The following RBFOX1 variants were observed in gnomAD, a reference collection of about 807,000 sequenced individuals.
RBFOX1 encodes RNA binding protein fox-1 homolog 1.
RBFOX1 carries 8 observed loss-of-function variants against 57.7 expected under a neutral mutation model. The ratio of observed to expected loss-of-function variants is 0.14; its 90% CI spans 0.08 to 0.25. The LOEUF (loss-of-function observed/expected upper bound fraction) is 0.25. RBFOX1 is among the 10% of genes least tolerant of loss of function. The pLI, the probability that RBFOX1 is intolerant of heterozygous loss-of-function variation, is 1.00. For missense variants in RBFOX1, 611 were observed against 548.5 expected, an observed-to-expected ratio of 1.11 and a Z score of -1.14; for synonymous variants, 326 against 222.4, an observed-to-expected ratio of 1.47 and a Z score of -4.15.
rs1210149366 is a variant in RBFOX1, at chr16:5,910,284, T to C, written c.351+42949T>C. On this transcript the variant is annotated intron_variant, in intron 4 of 19. Transcript: ENST00000641259. ...GCCAGTCTCAGGGAGAAGTTTCACA[T>C]AGCATCACACAGAGGGGCACGTTCT... is the stretch of plus-strand genomic sequence containing the variant. Among the ~76,000 whole-genome samples the C allele has an allele frequency of 3.3e-5, 5 of 152,190 alleles. No individual in the cohort carries two copies. In the East Asian group the frequency reaches 9.7e-4, roughly 30 times the overall value.
At chr16:5,499,002 A>G (rs902335274) in intron 2 of RBFOX1, among the ~76,000 whole-genome samples, 2 of 152,184 alleles carry the variant, frequency 1.3e-5, no homozygotes, top group Non-Finnish European at 2.9e-5. Flanking sequence ...CCCAGCCTCT[A>G]GGAATTCTGG....
intron 10 of RBFOX1, among the ~76,000 whole-genome samples, chr16:7,628,300 G>A (rs1290456325): frequency 6.6e-6 from 1 of 152,120 alleles, no homozygotes; most frequent in Non-Finnish European, 1.5e-5. Flanking sequence ...TATCGTAGAT[G>A]ATTCCGACCT....
At chr16:6,905,724 T>C (rs1053127852) in intron 3 of RBFOX1, among the ~76,000 whole-genome samples, 2 of 152,168 alleles carry the variant, frequency 1.3e-5, no homozygotes, top group Non-Finnish European at 2.9e-5. Context: ...AGAATTTCTC[T>C]CCAATGCCTG....
At chr16:6,251,127 C>T (rs2097607373) in intron 1 of RBFOX1, among the ~76,000 whole-genome samples, 1 of 152,106 alleles carries the variant, frequency 6.6e-6, no homozygotes, top group Non-Finnish European at 1.5e-5. Flanking sequence ...TCTTAATGAC[C>T]ACATTCACTC....
intron 3 of RBFOX1, among the ~76,000 whole-genome samples, chr16:5,712,470 G>T (rs934410391): frequency 2.0e-5 from 3 of 152,198 alleles, no homozygotes; most frequent in Non-Finnish European, 4.4e-5. Flanking sequence ...TGGCTTTCAC[G>T]CATGCTGATG....
intron 4 of RBFOX1, among the ~76,000 whole-genome samples, chr16:7,397,403 C>T (rs1044768518): frequency 9.9e-5 from 15 of 152,122 alleles, no homozygotes; most frequent in Non-Finnish European, 4.4e-5. Context: ...ATAGGAGCAC[C>T]AGGTCTCCAG....
intron 14 of RBFOX1, among the ~76,000 whole-genome samples, chr16:7,705,408 G>A (rs1402161479): frequency 1.3e-5 from 2 of 152,026 alleles, no homozygotes; most frequent in Non-Finnish European, 2.9e-5. Flanking sequence ...GGGAGGCTGA[G>A]GCAGGAGAAT....
chr16:5,585,601 G>T (rs2046804173), intron 2 of RBFOX1, among the ~76,000 whole-genome samples: 1 of 152,214 alleles, frequency 6.6e-6, no homozygotes, highest in Admixed American at 6.5e-5. Flanking sequence ...TGGTTTGTGA[G>T]ACTATGGGAT....
rs1567313731 is a variant in RBFOX1 at position 6,454,874 on chromosome 16, T to TGTC, written c.-64+137817_-64+137818insGTC. Among the ~76,000 whole-genome samples the TGTC allele has an allele frequency of 4.0e-5, 2 of 50,232 alleles. 1 individual carries two copies. The highest frequency in any genetic ancestry group is 1.5e-4 in the African/African-American group (2 of 13,104). The allele number at this position is 50,232 out of a possible 152,430, so 33.0% of individuals were successfully genotyped here. A position where few individuals can be genotyped will look rare whatever the true frequency, so the allele number is the denominator to read the frequency against. Reference sequence around the variant, plus strand: ...CTCATATACAGGTTTTTTTTTTTTTTTTTTTTTTTTTTTTTTTTTTTTTTT... The same window carrying TGTC: ...CTCATATACAGGTTTTTTTTTTTTTTGTCTTTTTTTTTTTTTTTTTTTTTTTTT... On this transcript the variant is annotated intron_variant, in intron 2 of 15. Transcript: ENST00000550418.
intron 3 of RBFOX1, among the ~76,000 whole-genome samples, chr16:5,681,765 A>AT (rs1237920518): frequency 6.6e-6 from 1 of 152,128 alleles, no homozygotes; most frequent in Non-Finnish European, 1.5e-5. Context: ...TATTTCAGGC[A>AT]TTTTTAACAA....
rs12445578 is a variant in RBFOX1 at position 7,321,593 on chromosome 16, A to C, written c.28-196554A>C. On this transcript the variant is annotated intron_variant, in intron 4 of 15. Transcript: ENST00000550418. ...GACCACTCTGTGTCTTGTTTTCCTC[A>C]CAGTAATATGAAGATAGTCATAGGA... Among the ~76,000 whole-genome samples the C allele has an allele frequency of 2.2e-3, 339 of 152,340 alleles. 5 individuals are homozygous for C. Among genetic ancestry groups the C allele is most frequent in the South Asian group, 0.022 (104 of 4,826 alleles).
chr16:7,290,975 C>A (rs2095758907), intron 4 of RBFOX1, among the ~76,000 whole-genome samples: 1 of 152,204 alleles, frequency 6.6e-6, no homozygotes, highest in African/African-American at 2.4e-5. Flanking sequence ...TACAAGAATG[C>A]ACATTTCATT....
At chr16:5,782,874 C>T (rs2054369711) in intron 3 of RBFOX1, among the ~76,000 whole-genome samples, 1 of 152,146 alleles carries the variant, frequency 6.6e-6, no homozygotes, top group African/African-American at 2.4e-5. Context: ...TCAGCTCAAG[C>T]AGGGATGCAA....
At chr16:6,158,429 GCCT>G (rs1421931498) in intron 1 of RBFOX1, among the ~76,000 whole-genome samples, 1 of 152,108 alleles carries the variant, frequency 6.6e-6, no homozygotes, top group Non-Finnish European at 1.5e-5. Context: ...TGCCTGTGAG[GCCT>G]CCTTTGATTT....
intron 3 of RBFOX1, among the ~76,000 whole-genome samples, chr16:6,760,915 C>T (rs1034500037): frequency 1.3e-5 from 2 of 152,138 alleles, no homozygotes; most frequent in African/African-American, 4.8e-5. Context: ...CCTAGCACTG[C>T]GTCTGGTCAA....
At chr16:7,664,589 T>G (rs1227603518) in intron 12 of RBFOX1, among the ~76,000 whole-genome samples, 1 of 152,278 alleles carries the variant, frequency 6.6e-6, no homozygotes, top group Non-Finnish European at 1.5e-5. Flanking sequence ...CTCTGACCTG[T>G]TAAGATGCTC....
In RBFOX1 at chr16:7,141,434, A is replaced by C. The variant is rs539124259; in HGVS notation, c.27+89336A>C. Among the ~76,000 whole-genome samples, 4 of 151,646 alleles carry C rather than the reference A, an allele frequency of 2.6e-5. No homozygotes were observed. The East Asian group carries it at 7.7e-4, about 29-fold the overall frequency. ...TAGAAGACCTTATCGCATGATTGTT[A>C]ATCCAAGTTCTCAGGTGTGCTCTAA... On this transcript the variant is annotated intron_variant, in intron 4 of 15. Coordinates refer to ENST00000550418, the MANE Select transcript of RBFOX1 (RefSeq NM_018723.4).
At chr16:6,063,153 C>T (rs1042474076) in intron 1 of RBFOX1, among the ~76,000 whole-genome samples, 3 of 152,034 alleles carry the variant, frequency 2.0e-5, no homozygotes, top group Admixed American at 6.6e-5. Flanking sequence ...TTAACACATA[C>T]GCTGACCATC....
intron 1 of RBFOX1, among the ~76,000 whole-genome samples, chr16:6,183,219 A>G (rs183787677): frequency 2.6e-5 from 4 of 152,138 alleles, no homozygotes; most frequent in East Asian, 3.9e-4. Context: ...AATGGCCTAC[A>G]CCTGTAATCC....
Sources: allele counts gnomAD v4.1 joint callset (sites outside exome capture counted in the v4.1 genomes callset), GRCh38; gene constraint gnomAD v4.1.1; transcripts MANE v1.5; gene names NCBI Gene and HGNC (gene_info 2026-07-23, HGNC 2026-07-21).